Variants in KIAA0825 observed in about 807,000 individuals in gnomAD.
The protein encoded by KIAA0825 is uncharacterized protein KIAA0825.
KIAA0825 carries 119 observed loss-of-function variants against 147.6 expected under a neutral mutation model. The observed-to-expected ratio is 0.81, with a 90% CI of 0.69 to 0.94. The LOEUF is 0.94. KIAA0825 is among the 40% of genes least tolerant of loss of function. KIAA0825 has a pLI of 0.00. For synonymous variants in KIAA0825, 470 were observed against 518.1 expected (o/e 0.91, Z 1.26); for missense variants, 1,381 against 1,472.7 (o/e 0.94, Z 1.02).
chr5:94,604,328 G>A (rs1228476049), intron 1 of KIAA0825, among the ~76,000 whole-genome samples: 5 of 152,198 alleles, frequency 3.3e-5, no homozygotes, highest in African/African-American at 1.2e-4. Context: ...AAGATGGGTG[G>A]ATCTCCTGAG....
At chr5:94,537,815 C>T (rs1337864294) in intron 2 of KIAA0825, among the ~76,000 whole-genome samples, 1 of 152,090 alleles carries the variant, frequency 6.6e-6, no homozygotes, top group African/African-American at 2.4e-5. Flanking sequence ...CTTCCCTCAA[C>T]CTTTGTCAAT....
chr5:94,616,168 G>C (rs763300368), intron 1 of KIAA0825, among the ~76,000 whole-genome samples: 4 of 152,064 alleles, frequency 2.6e-5, no homozygotes, highest in African/African-American at 9.7e-5. Context: ...ATCTGCCTAC[G>C]GGATCTGCCT....
chr5:94,289,045 C>T (rs1777773345), intron 20 of KIAA0825, among the ~76,000 whole-genome samples: 1 of 152,112 alleles, frequency 6.6e-6, no homozygotes, highest in South Asian at 2.1e-4. Flanking sequence ...GAATTTAAGG[C>T]CCAAGTACTT....
intron 12 of KIAA0825, among the ~76,000 whole-genome samples, chr5:94,453,337 TG>T (rs1334657840): frequency 2.2e-5 from 2 of 91,230 alleles, no homozygotes; most frequent in African/African-American, 1.0e-4. Context: ...CACGTGTGGC[TG>T]ATTTTTTTTT....
intron 20 of KIAA0825, among the ~76,000 whole-genome samples, chr5:94,318,876 A>G (rs1373973764): frequency 2.0e-5 from 3 of 151,842 alleles, no homozygotes; most frequent in Admixed American, 6.6e-5. Context: ...AAAAGAGGAG[A>G]GCCTGAAGAC....
At chr5:94,616,294 C>T (rs1003068830) in intron 1 of KIAA0825, among the ~76,000 whole-genome samples, 1 of 152,218 alleles carries the variant, frequency 6.6e-6, no homozygotes, top group South Asian at 2.1e-4. Flanking sequence ...TAGTATTGGT[C>T]ATTTCAACTA....
chr5:94,536,422 T>C (rs866448991), intron 3 of KIAA0825, among the ~76,000 whole-genome samples: 3 of 152,234 alleles, frequency 2.0e-5, no homozygotes, highest in Non-Finnish European at 4.4e-5. Context: ...TGCCTGATTA[T>C]AGGGTCCACA....
intron 17 of KIAA0825, among the ~76,000 whole-genome samples, chr5:94,393,576 G>A (rs1002161566): frequency 6.6e-6 from 1 of 152,164 alleles, no homozygotes; most frequent in African/African-American, 2.4e-5. Flanking sequence ...GTATCATGTA[G>A]TTTCAGATAA....
chr5:94,340,278 T>C (rs1466403947), intron 20 of KIAA0825, among the ~76,000 whole-genome samples: 3 of 152,188 alleles, frequency 2.0e-5, no homozygotes, highest in Non-Finnish European at 4.4e-5. Context: ...ATAGTTGTTA[T>C]GCTGTATTGT....
intron 2 of KIAA0825, among the ~76,000 whole-genome samples, chr5:94,544,201 T>C (rs1352462561): frequency 2.6e-5 from 4 of 152,226 alleles, no homozygotes; most frequent in Non-Finnish European, 5.9e-5. Context: ...TCCCATGCCT[T>C]GGTAGAGGCC....
At chr5:94,494,314 C>CTTTTTTTTTTT (rs530332272) in intron 5 of KIAA0825, among the ~76,000 whole-genome samples, 1 of 111,872 alleles carries the variant, frequency 8.9e-6, no homozygotes, top group African/African-American at 3.9e-5. Flanking sequence ...ATATTCAATC[C>CTTTTTTTTTTT]TTTTTTTTTT....
At chr5:94,341,521 A>C (rs1782378373) in intron 20 of KIAA0825, among the ~76,000 whole-genome samples, 1 of 152,182 alleles carries the variant, frequency 6.6e-6, no homozygotes, top group African/African-American at 2.4e-5. Flanking sequence ...TGAGGGTTCG[A>C]GGTAGGATGG....
At chr5:94,454,293 G>C (rs909132265) in intron 12 of KIAA0825, among the ~76,000 whole-genome samples, 4 of 152,158 alleles carry the variant, frequency 2.6e-5, no homozygotes, top group African/African-American at 9.7e-5. Context: ...GAGCAATAGT[G>C]TCTTTTGATA....
At chr5:94,189,372 A>G (rs896946154) in intron 20 of KIAA0825, among the ~76,000 whole-genome samples, 1 of 152,096 alleles carries the variant, frequency 6.6e-6, no homozygotes. Flanking sequence ...TTTCTTTCCT[A>G]TGTTTTCTTC....
intron 20 of KIAA0825, among the ~76,000 whole-genome samples, chr5:94,353,070 T>C (rs768509988): frequency 7.2e-5 from 11 of 151,840 alleles, no homozygotes; most frequent in Non-Finnish European, 1.0e-4. Context: ...CAATAACTTA[T>C]GGAAAAATAA....
chr5:94,610,819 TA>T (rs200050008), intron 1 of KIAA0825, among the ~76,000 whole-genome samples: 3,459 of 99,468 alleles, frequency 0.035, 151 homozygotes, highest in African/African-American at 0.12. Flanking sequence ...ATAAAAAGAT[TA>T]AAAAAAAAGT....
intron 16 of KIAA0825, among the ~76,000 whole-genome samples, chr5:94,398,748 C>T (rs531396224): frequency 2.0e-4 from 31 of 152,180 alleles, no homozygotes; most frequent in African/African-American, 7.5e-4. Context: ...TTTTAATCCA[C>T]TATGTACATA....
At chr5:94,176,225 T>TA (rs1769085738) in intron 20 of KIAA0825, among the ~76,000 whole-genome samples, 1 of 152,036 alleles carries the variant, frequency 6.6e-6, no homozygotes, top group African/African-American at 2.4e-5. Flanking sequence ...AGCAGGTTTT[T>TA]AAAAAAGAGC....
At chr5:94,375,539 G>T (rs1470729457) in intron 20 of KIAA0825, among the ~76,000 whole-genome samples, 1 of 152,062 alleles carries the variant, frequency 6.6e-6, no homozygotes, top group Admixed American at 6.6e-5. Context: ...AAGTCTACTG[G>T]TTAATATCCA....
Sources: gnomAD v4.1 joint callset for allele counts (sites outside exome capture counted in the v4.1 genomes callset) on GRCh38, gnomAD v4.1.1 for gene constraint, MANE v1.5 for transcripts, NCBI Gene and HGNC (gene_info 2026-07-23, HGNC 2026-07-21) for gene names.